NIN: variants seen among roughly 807,000 people sequenced by gnomAD.
The protein encoded by NIN is glycogen synthase kinase 3 beta-interacting protein.
A neutral mutation model predicts 257.6 loss-of-function variants in NIN; 137 were observed. The ratio of observed to expected loss-of-function variants is 0.53; its 90% CI spans 0.46 to 0.61. The LOEUF (loss-of-function observed/expected upper bound fraction) is 0.61, where lower values mean the gene tolerates loss of function less well. Ranked by LOEUF, NIN falls within the 20% of genes least tolerant of loss-of-function variation. The probability of loss-of-function intolerance (pLI) is 0.00; values close to 1 mark genes in which losing one functional copy is unlikely to be tolerated. For missense variants in NIN, 2,439 were observed against 2,501.2 expected (o/e 0.98, Z 0.53); for synonymous variants, 918 against 919.8 (o/e 1.00, Z 0.04).
chr14:50,764,004 C>T, intron 14 of NIN, 40 bp from the exon 15 acceptor site: 2 of 1,554,902 alleles, frequency 1.3e-6, no homozygotes, highest in South Asian at 1.1e-5. Flanking sequence ...GATGTGACAC[C>T]AAAAGCATAA....
chr14:50,759,735 C>G (rs1484519030), intron 17 of NIN, 122 bp downstream of exon 17: 1 of 1,001,836 alleles, frequency 1.0e-6, no homozygotes, highest in Non-Finnish European at 1.5e-6. Context: ...GTGATCCGCC[C>G]ACCTCGGCCT....
chr14:50,729,531 T>G lies in NIN; in HGVS notation c.6070A>C (p.Thr2024Pro). Reference sequence around the variant, plus strand: ...TAGAGAGAGCTTCATACCTGTGGTGTGTTGGTTTCGGAGGTCCTGTTTTCA... The same window carrying G: ...TAGAGAGAGCTTCATACCTGTGGTGGGTTGGTTTCGGAGGTCCTGTTTTCA... ...ELENRTSETN[T>P]PQGNQEQLVT... The change falls in exon 29 of 31, where the codon ACA becomes CCA. Residue 2024 changes from threonine (T) to proline (P), a missense_variant. Physicochemically the swap from Thr to Pro is conservative, Grantham distance 38 (BLOSUM62 -1). Coordinates refer to ENST00000530997, the MANE Select transcript of NIN (RefSeq NM_020921.4). The G allele has an allele frequency of 6.2e-7, 1 of 1,613,576 alleles. No individual in the cohort carries two copies. Among genetic ancestry groups the G allele is most frequent in the Non-Finnish European group, 8.5e-7 (1 of 1,179,730 alleles).
chr14:50,807,838 G>A (rs965436586), intron 3 of NIN, among the ~76,000 whole-genome samples: 1 of 152,134 alleles, frequency 6.6e-6, no homozygotes, highest in African/African-American at 2.4e-5. Flanking sequence ...TCATTTATAT[G>A]TCATAAAAGA....
intron 6 of NIN, among the ~76,000 whole-genome samples, chr14:50,777,921 A>G (rs2042981567): frequency 6.6e-6 from 1 of 152,236 alleles, no homozygotes; most frequent in Admixed American, 6.5e-5. Context: ...CAGAGGGTTG[A>G]AAGCAGTATT....
At position 50,777,068 on chromosome 14, in the gene NIN, T is replaced by G; in HGVS notation, c.547A>C (p.Ile183Leu). ...QSGSSPPQDW[I>L]EEKLQEVCED... is the part of the protein sequence containing the mutation. ...CAAACTTCTTGCAGTTTCTCTTCTA[T>G]CCAGTCTTGGGGAGGGGAAGATCCA... is the stretch of plus-strand genomic sequence containing the variant. The change falls in exon 7 of 31, where the codon ATA becomes CTA. Residue 183 changes from isoleucine (I) to leucine (L), a missense_variant. Around this residue, in one of 3 missense-constraint regions of NIN, gnomAD observed 387 missense variants for 427.3 expected, o/e 0.91. Transcript: ENST00000530997. 6.2e-7 allele frequency: 1 copy of G among 1,614,210 alleles called. No homozygotes were observed. The highest frequency in any genetic ancestry group is 8.5e-7 in the Non-Finnish European group (1 of 1,180,030).
chr14:50,822,807 C>T (rs1024251213), intron 2 of NIN, among the ~76,000 whole-genome samples: 9 of 152,198 alleles, frequency 5.9e-5, no homozygotes, highest in Non-Finnish European at 1.2e-4. Context: ...GAAGAATATT[C>T]CCAGAAGCTT....
intron 20 of NIN, among the ~76,000 whole-genome samples, chr14:50,753,856 A>G (rs1476749342): frequency 6.6e-6 from 1 of 152,132 alleles, no homozygotes; most frequent in Non-Finnish European, 1.5e-5. Context: ...TCTAATCACT[A>G]ATAAGGCTAA....
chr14:50,769,158 G>A (rs1422724542), intron 12 of NIN, among the ~76,000 whole-genome samples: 2 of 152,208 alleles, frequency 1.3e-5, no homozygotes, highest in East Asian at 1.9e-4. Flanking sequence ...TCCAGACACT[G>A]TATGTGCCTC....
chr14:50,746,433 G>A (rs1319423479), intron 22 of NIN, among the ~76,000 whole-genome samples: 1 of 152,134 alleles, frequency 6.6e-6, no homozygotes, highest in Non-Finnish European at 1.5e-5. Context: ...TTGAGTACCA[G>A]TACTATACTA....
chr14:50,738,281 A>G lies in NIN; in HGVS notation c.5634T>C (p.Arg1878=), dbSNP rs1364797211. 6.2e-7 allele frequency: 1 copy of G among 1,613,298 alleles called. No individual in the cohort carries two copies. Among genetic ancestry groups the G allele is most frequent in the Non-Finnish European group, 8.5e-7 (1 of 1,179,644 alleles). Reference sequence around the variant, plus strand: ...TGGGAAGAAGATTGGATTCCAACTGACGGACCTAACAGGAACAAATGTAAG... The same window carrying G: ...TGGGAAGAAGATTGGATTCCAACTGGCGGACCTAACAGGAACAAATGTAAG... ...AELTHSREKV[R]QLESNLLPKH... is the part of the protein sequence containing the mutation. The change falls in exon 27 of 31, where the codon CGT becomes CGC. Residue 1878 remains arginine, a synonymous_variant. Coordinates refer to ENST00000530997, the MANE Select transcript of NIN (RefSeq NM_020921.4).
At chr14:50,736,567 G>A (rs1045451265) in intron 27 of NIN, among the ~76,000 whole-genome samples, 1 of 152,168 alleles carries the variant, frequency 6.6e-6, no homozygotes, top group Non-Finnish European at 1.5e-5. Context: ...AAGAGCTGAG[G>A]AGAACAGCAA....
chr14:50,731,345 C>T (rs531251721), intron 28 of NIN, among the ~76,000 whole-genome samples: 138 of 151,962 alleles, frequency 9.1e-4, no homozygotes, highest in African/African-American at 2.2e-3. Context: ...GCCTGTCCAA[C>T]GTGGTGAAAC....
chr14:50,790,060 T>C (rs1483148200), intron 5 of NIN, among the ~76,000 whole-genome samples: 1 of 152,160 alleles, frequency 6.6e-6, no homozygotes, highest in Admixed American at 6.6e-5. Context: ...GTGAAGCTAT[T>C]ACTTTTTTTT....
chr14:50,811,544 C>CTTTTTTTT (rs55734117), intron 3 of NIN, among the ~76,000 whole-genome samples: 21 of 75,296 alleles, frequency 2.8e-4, no homozygotes, highest in Middle Eastern at 0.014. Context: ...AATGGTCAAG[C>CTTTTTTTT]TTTTTTTTTT....
chr14:50,757,507 C>T lies in NIN; in HGVS notation c.3523G>A (p.Ala1175Thr), dbSNP rs746364875. Reference sequence around the variant, plus strand: ...AGCTCAGAAAAACCCTCTACTGAAGCTTCAGACTCCTCTATTTTGACTTCC... The same window carrying T: ...AGCTCAGAAAAACCCTCTACTGAAGTTTCAGACTCCTCTATTTTGACTTCC... The part of the protein sequence containing the change: ...RQEVKIEESE[A>T]SVEGFSELEN... The change falls in exon 18 of 31, where the codon GCT becomes ACT. Residue 1175 changes from alanine to threonine, a missense_variant. By Grantham distance (58) the Ala-to-Thr change is moderately conservative. Coordinates refer to ENST00000530997, the MANE Select transcript of NIN (RefSeq NM_020921.4). 6.2e-6 allele frequency: 10 copies of T among 1,614,042 alleles called. No individual in the cohort carries two copies. Among genetic ancestry groups the T allele is most frequent in the Non-Finnish European group, 8.5e-6 (10 of 1,179,986 alleles).
chr14:50,771,063 A>G, intron 10 of NIN, 71 bp from the exon 11 acceptor site: 1 of 1,543,720 alleles, frequency 6.5e-7, no homozygotes, highest in Non-Finnish European at 8.8e-7. Context: ...AAAAGCTCTC[A>G]TCTGGCTTGC....
At position 50,759,941 on chromosome 14, in the gene NIN, C is replaced by T. The variant is rs139162627; in HGVS notation, c.2315G>A (p.Ser772Asn). 3 of 1,614,046 alleles carry T rather than the reference C, an allele frequency of 1.9e-6. No homozygotes were observed. Among genetic ancestry groups the T allele is most frequent in the African/African-American group, 2.7e-5 (2 of 74,920 alleles). The stretch of plus-strand genomic sequence containing the variant: ...CTCAAGAGTGTGTTTCTCCACCAGG[C>T]TTGTCAGCTGCTCCTGGTGAAACTG... Reference protein sequence around the residue: ...LEQFHQEQLTSLVEKHTLEKE... With the variant: ...LEQFHQEQLTNLVEKHTLEKE... Residue 772 changes from serine to asparagine, a missense_variant, in exon 17 of 31, where the codon AGC becomes AAC. Physicochemically the swap from Ser to Asn is conservative, Grantham distance 46. This residue lies in a region of NIN where 2,043 missense variants were observed against 2,050.2 expected (regional missense o/e 1.00). Coordinates refer to ENST00000530997, the MANE Select transcript of NIN (RefSeq NM_020921.4).
In NIN at chr14:50,776,234, T is replaced by C. The variant is rs533846417; in HGVS notation, c.666+715A>G. Among the ~76,000 whole-genome samples the C allele has an allele frequency of 3.9e-5, 6 of 152,314 alleles. No individual in the cohort carries two copies. The East Asian group carries it at 1.2e-3, about 29-fold the overall frequency. ...TATTCTTATGTTTCACAGCTATTCA[T>C]GCACCCAGTCCTACCAGTTCCTCCC... On this transcript the variant is annotated intron_variant, in intron 7 of 30. Coordinates refer to ENST00000530997, the MANE Select transcript of NIN (RefSeq NM_020921.4).
intron 9 of NIN, 168 bp downstream of exon 9, chr14:50,772,133 G>A (rs918919971): frequency 3.5e-5 from 20 of 564,974 alleles, no homozygotes; most frequent in Non-Finnish European, 5.9e-5. Flanking sequence ...TTAACAAAAG[G>A]CTCCTGGTTA....
Sources: gnomAD v4.1 joint callset for allele counts (sites outside exome capture counted in the v4.1 genomes callset) on GRCh38, gnomAD v4.1.1 for gene constraint, gnomAD v4.1.1 regional missense constraint, MANE v1.5 for transcripts, NCBI Gene and HGNC (gene_info 2026-07-23, HGNC 2026-07-21) for gene names.